ARHGAP44: variants seen among roughly 807,000 people sequenced by gnomAD.
ARHGAP44 encodes the protein Rho GTPase activating protein 44.
ARHGAP44 carries 43 observed loss-of-function variants against 106.8 expected under a neutral mutation model. The observed-to-expected ratio is 0.40, with a 90% confidence interval of 0.32 to 0.52. ARHGAP44 has a LOEUF of 0.52. Among genes scored for constraint, ARHGAP44 ranks in the 20% least tolerant of loss-of-function variants. The pLI, the probability that ARHGAP44 is intolerant of heterozygous loss-of-function variation, is 0.48. For synonymous variants in ARHGAP44, 439 were observed against 410.3 expected, an observed-to-expected ratio of 1.07 and a Z score of -0.85; for missense variants, 866 against 1,050.5, an observed-to-expected ratio of 0.82 and a Z score of 2.43.
chr17:12,968,414 G>A (rs886847236), intron 16 of ARHGAP44, among the ~76,000 whole-genome samples: 1 of 152,204 alleles, frequency 6.6e-6, no homozygotes, highest in African/African-American at 2.4e-5. Flanking sequence ...GACCATTCCA[G>A]GCTGAGCCTC....
At chr17:12,796,277 G>A (rs528631328) in intron 1 of ARHGAP44, among the ~76,000 whole-genome samples, 1 of 151,846 alleles carries the variant, frequency 6.6e-6, no homozygotes, top group African/African-American at 2.4e-5. Flanking sequence ...TTAATCCCCA[G>A]CATAATTTTT....
chr17:12,944,095 G>A lies in ARHGAP44; in HGVS notation c.760G>A (p.Gly254Arg), dbSNP rs371924249. The A allele has an allele frequency of 3.1e-6, 5 of 1,611,976 alleles. No individual in the cohort carries two copies. The highest frequency in any genetic ancestry group is 2.2e-5 in the East Asian group (1 of 44,806). ...QEAWVEKPSFGKPLEEHLTIS... is the reference protein window; with the variant it reads ...QEAWVEKPSFRKPLEEHLTIS... ...GGCCTGGGTAGAGAAGCCTTCCTTCGGGAAGCCGCTGGAGGAGCACCTCAC... is the reference window on the plus strand; with the variant it reads ...GGCCTGGGTAGAGAAGCCTTCCTTCAGGAAGCCGCTGGAGGAGCACCTCAC... The change falls in exon 10 of 21, where the codon GGG becomes AGG. Residue 254 changes from glycine (G) to arginine (R), a missense_variant. Coordinates refer to ENST00000379672, the MANE Select transcript of ARHGAP44 (RefSeq NM_014859.6).
chr17:12,906,156 C>T (rs2037539161), intron 3 of ARHGAP44, among the ~76,000 whole-genome samples: 1 of 152,168 alleles, frequency 6.6e-6, no homozygotes, highest in Admixed American at 6.5e-5. Flanking sequence ...TTAAGTTATG[C>T]CCTCTCTGTG....
At chr17:12,893,529 T>C (rs1436483326) in intron 1 of ARHGAP44, among the ~76,000 whole-genome samples, 1 of 152,188 alleles carries the variant, frequency 6.6e-6, no homozygotes, top group Non-Finnish European at 1.5e-5. Context: ...GTCAGTTGCC[T>C]AGTAGTGATA....
intron 7 of ARHGAP44, among the ~76,000 whole-genome samples, chr17:12,933,849 CT>C (rs11303147): frequency 0.67 from 87,523 of 131,214 alleles, 28,105 homozygotes; most frequent in Admixed American, 0.72. Flanking sequence ...CACATAAATT[CT>C]TTTTTTTTTT....
intron 1 of ARHGAP44, among the ~76,000 whole-genome samples, chr17:12,813,555 G>A (rs1363542885): frequency 1.3e-5 from 2 of 152,124 alleles, no homozygotes; most frequent in African/African-American, 4.8e-5. Flanking sequence ...CTGCATATGA[G>A]CTTCCTTGTC....
At chr17:12,846,991 C>G (rs376018278) in intron 1 of ARHGAP44, among the ~76,000 whole-genome samples, 7 of 152,148 alleles carry the variant, frequency 4.6e-5, no homozygotes, top group African/African-American at 1.7e-4. Context: ...CACTAAGTAA[C>G]GCAGTGCAGA....
At chr17:12,873,608 A>T (rs941373928) in intron 1 of ARHGAP44, among the ~76,000 whole-genome samples, 1 of 152,218 alleles carries the variant, frequency 6.6e-6, no homozygotes, top group Non-Finnish European at 1.5e-5. Flanking sequence ...AGCTGGGCGC[A>T]AACCACCAGC....
At chr17:12,801,897 A>G (rs1051448866) in intron 1 of ARHGAP44, among the ~76,000 whole-genome samples, 3 of 149,438 alleles carry the variant, frequency 2.0e-5, no homozygotes, top group Non-Finnish European at 4.4e-5. Context: ...GAGAGAGAGA[A>G]AAAAAAAGCT....
intron 1 of ARHGAP44, among the ~76,000 whole-genome samples, chr17:12,796,200 A>G (rs563845280): frequency 2.0e-5 from 3 of 152,060 alleles, no homozygotes; most frequent in African/African-American, 4.8e-5. Flanking sequence ...TACTCTGTAT[A>G]CTGTTTTGTA....
At chr17:12,896,954 T>C (rs2037223821) in intron 3 of ARHGAP44, among the ~76,000 whole-genome samples, 1 of 152,216 alleles carries the variant, frequency 6.6e-6, no homozygotes, top group African/African-American at 2.4e-5. Context: ...ATAAAGGCCC[T>C]TGAAAATTGT....
In ARHGAP44 at chr17:12,889,660, C is replaced by T. The variant is rs555640043; in HGVS notation, c.54-5280C>T. Among the ~76,000 whole-genome samples the T allele has an allele frequency of 3.3e-5, 5 of 152,292 alleles. No individual in the cohort carries two copies. The East Asian group carries it at 7.7e-4, about 24-fold the overall frequency. On this transcript the variant is annotated intron_variant, in intron 1 of 20. Transcript: ENST00000379672. Reference sequence around the variant, plus strand: ...CATGAAAAATGCATTTGCTCCATCTCAATAGCCCCAGAATCTTAACTGGTT... The same window carrying T: ...CATGAAAAATGCATTTGCTCCATCTTAATAGCCCCAGAATCTTAACTGGTT...
chr17:12,864,584 A>G (rs967709452), intron 1 of ARHGAP44, among the ~76,000 whole-genome samples: 7 of 152,292 alleles, frequency 4.6e-5, no homozygotes, highest in Middle Eastern at 3.4e-3. Flanking sequence ...TCTAACCTGT[A>G]CAAGTACTGA....
At chr17:12,875,920 G>C (rs1172407279) in intron 1 of ARHGAP44, among the ~76,000 whole-genome samples, 1 of 151,438 alleles carries the variant, frequency 6.6e-6, no homozygotes, top group Non-Finnish European at 1.5e-5. Flanking sequence ...CTCCAGCCTG[G>C]AGGACAAGAG....
At chr17:12,983,677 G>A (rs1049058176) in intron 19 of ARHGAP44, among the ~76,000 whole-genome samples, 2 of 152,074 alleles carry the variant, frequency 1.3e-5, no homozygotes, top group African/African-American at 4.8e-5. Flanking sequence ...GGTGGTGGGC[G>A]CCTGTAATCC....
At chr17:12,908,844 C>T (rs981866142) in intron 3 of ARHGAP44, 53 bp from the exon 4 acceptor site, 16 of 1,461,602 alleles carry the variant, frequency 1.1e-5, no homozygotes, top group Middle Eastern at 1.7e-4. Context: ...ATTTTAGATT[C>T]AACAGATGAA....
intron 3 of ARHGAP44, among the ~76,000 whole-genome samples, chr17:12,897,863 A>G (rs2150923152): frequency 6.6e-6 from 1 of 152,146 alleles, no homozygotes; most frequent in East Asian, 1.9e-4. Context: ...TAGTACTAAC[A>G]TTATTTTTCT....
At chr17:12,960,423 G>A (rs951916541) in intron 16 of ARHGAP44, among the ~76,000 whole-genome samples, 1 of 151,964 alleles carries the variant, frequency 6.6e-6, no homozygotes, top group Non-Finnish European at 1.5e-5. Flanking sequence ...AAAACCAGCC[G>A]GGAGTGGTGG....
chr17:12,912,886 A>T (rs1020229683), intron 4 of ARHGAP44, among the ~76,000 whole-genome samples: 2 of 152,174 alleles, frequency 1.3e-5, no homozygotes, highest in Non-Finnish European at 2.9e-5. Context: ...CTTCCCACCT[A>T]TTCTTTCTCA....
Sources: gnomAD v4.1 joint callset for allele counts (sites outside exome capture counted in the v4.1 genomes callset) on GRCh38, gnomAD v4.1.1 for gene constraint, MANE v1.5 for transcripts, NCBI Gene and HGNC (gene_info 2026-07-23, HGNC 2026-07-21) for gene names.